Variants in MFN1 observed in about 807,000 individuals in gnomAD.
MFN1 encodes mitofusin-1.
Under a neutral mutation model 92.4 loss-of-function variants are expected in MFN1, and 65 were observed. The observed-to-expected ratio is 0.70, with a 90% confidence interval of 0.58 to 0.86. The LOEUF is 0.86. MFN1 is among the 40% of genes least tolerant of loss of function. MFN1 has a pLI of 0.00. For synonymous variants in MFN1, 297 were observed against 300.9 expected, an observed-to-expected ratio of 0.99 and a Z score of 0.13; for missense variants, 781 against 868.0, an observed-to-expected ratio of 0.90 and a Z score of 1.26.
chr3:179,365,810 G>A (rs974458612), intron 7 of MFN1, among the ~76,000 whole-genome samples: 1 of 152,050 alleles, frequency 6.6e-6, no homozygotes, highest in African/African-American at 2.4e-5. Context: ...TTTATTTAAC[G>A]TGTTTGTCAT....
At chr3:179,353,078 A>G (rs1712213350) in intron 3 of MFN1, among the ~76,000 whole-genome samples, 1 of 113,004 alleles carries the variant, frequency 8.8e-6, no homozygotes, top group Non-Finnish European at 1.8e-5. Context: ...TTTTTGAGAC[A>G]GAGTCTCAGT....
At chr3:179,369,845 A>G (rs1712953380) in intron 9 of MFN1, among the ~76,000 whole-genome samples, 1 of 152,176 alleles carries the variant, frequency 6.6e-6, no homozygotes, top group South Asian at 2.1e-4. Flanking sequence ...TTTTATTCTA[A>G]TGGTCCATTT....
At chr3:179,391,433 T>A (rs1713897052) in intron 17 of MFN1, among the ~76,000 whole-genome samples, 1 of 152,196 alleles carries the variant, frequency 6.6e-6, no homozygotes, top group Non-Finnish European at 1.5e-5. Flanking sequence ...TAGAATTTAA[T>A]GTGCTAACGC....
At chr3:179,350,226 A>G (rs1712092466) in intron 2 of MFN1, among the ~76,000 whole-genome samples, 1 of 151,978 alleles carries the variant, frequency 6.6e-6, no homozygotes. Context: ...TTCCAGCGAC[A>G]GTGGGGAAAC....
At chr3:179,374,368 AAT>A (rs1491280365) in intron 9 of MFN1, among the ~76,000 whole-genome samples, 1 of 134,682 alleles carries the variant, frequency 7.4e-6, no homozygotes, top group African/African-American at 2.9e-5. Flanking sequence ...ATATATATGT[AAT>A]ATATATATAA....
intron 14 of MFN1, among the ~76,000 whole-genome samples, chr3:179,379,924 C>T (rs1269493751): frequency 6.6e-6 from 1 of 151,862 alleles, no homozygotes; most frequent in Non-Finnish European, 1.5e-5. Flanking sequence ...ATGAAAAAAA[C>T]AAAAACACTG....
intron 14 of MFN1, 48 bp from the exon 15 acceptor site, chr3:179,385,521 A>T (rs766607791): frequency 2.6e-6 from 4 of 1,523,558 alleles, no homozygotes; most frequent in Middle Eastern, 2.4e-4. Context: ...AGATAACTTT[A>T]TAGTTGTTTA....
chr3:179,355,792 A>C (rs2108526096), intron 3 of MFN1, among the ~76,000 whole-genome samples: 1 of 152,252 alleles, frequency 6.6e-6, no homozygotes, highest in East Asian at 1.9e-4. Flanking sequence ...TCTCTACCAA[A>C]AATAGAAAAA....
At chr3:179,369,304 T>A (rs1000471936) in intron 9 of MFN1, among the ~76,000 whole-genome samples, 1 of 152,162 alleles carries the variant, frequency 6.6e-6, no homozygotes, top group African/African-American at 2.4e-5. Context: ...CTCGAACTCC[T>A]GGGCTCAAAT....
At chr3:179,385,447 G>A (rs907579372) in intron 14 of MFN1, 122 bp from the exon 15 acceptor site, 54 of 740,902 alleles carry the variant, frequency 7.3e-5, no homozygotes, top group Non-Finnish European at 1.1e-4. Flanking sequence ...TATTTGTGGT[G>A]TACTCATCAT....
At chr3:179,354,496 G>C (rs1712273661) in intron 3 of MFN1, among the ~76,000 whole-genome samples, 1 of 152,138 alleles carries the variant, frequency 6.6e-6, no homozygotes, top group African/African-American at 2.4e-5. Flanking sequence ...GAGAACAGGG[G>C]TAGGAGGCAG....
chr3:179,369,634 G>GATC (rs1712942607), intron 9 of MFN1, among the ~76,000 whole-genome samples: 1 of 152,094 alleles, frequency 6.6e-6, no homozygotes, highest in African/African-American at 2.4e-5. Flanking sequence ...AAGCCTAGCT[G>GATC]ATCATCAGAA....
In MFN1 at chr3:179,386,492, G is replaced by GT. The variant is rs1560201466; in HGVS notation, c.1876dup (p.Tyr626LeufsTer4). ...TTTCATTAACTATGTATGGAGCTTT[G>GT]TATCTTTATGAAAGACTGAGCTGGA... On this transcript the variant is annotated frameshift_variant, in exon 16 of 18. Coordinates refer to ENST00000471841, the MANE Select transcript of MFN1 (RefSeq NM_033540.3). LOFTEE classifies it high-confidence loss of function. 1.9e-5 allele frequency: 31 copies of GT among 1,613,910 alleles called. No individual in the cohort carries two copies. The highest frequency in any genetic ancestry group is 2.6e-5 in the Non-Finnish European group (31 of 1,179,894).
At chr3:179,371,483 T>C (rs1282915577) in intron 9 of MFN1, among the ~76,000 whole-genome samples, 2 of 152,180 alleles carry the variant, frequency 1.3e-5, no homozygotes, top group Non-Finnish European at 2.9e-5. Context: ...TGCTCCAACC[T>C]GTGTGACAGA....
intron 1 of MFN1, 180 bp from the exon 2 acceptor site, chr3:179,348,665 A>T: frequency 1.2e-6 from 1 of 841,842 alleles, no homozygotes. Flanking sequence ...TTAGTGAAAT[A>T]TCATTCAAAA....
chr3:179,371,288 C>G (rs1713014237), intron 9 of MFN1, among the ~76,000 whole-genome samples: 1 of 152,006 alleles, frequency 6.6e-6, no homozygotes, highest in Non-Finnish European at 1.5e-5. Flanking sequence ...AGGAAGATCT[C>G]TTGAGCTTAG....
chr3:179,360,154 G>A (rs972751918), intron 4 of MFN1, among the ~76,000 whole-genome samples: 4 of 152,214 alleles, frequency 2.6e-5, no homozygotes, highest in African/African-American at 7.2e-5. Flanking sequence ...GACCTCAGGT[G>A]ATCCACCTGC....
rs371803267 is a variant in MFN1, at chr3:179,362,377, A to C, written c.431A>C (p.His144Pro). The C allele has an allele frequency of 3.1e-6, 5 of 1,611,814 alleles. No homozygotes were observed. In the African/African-American group the frequency reaches 6.7e-5, roughly 22 times the overall value. ...KSVKTVNQLA[H>P]ALHMDKDLKA... ...CTTTAGACAGTTAATCAACTGGCCCATGCCCTTCACATGGACAAAGATTTG... is the reference window on the plus strand; with the variant it reads ...CTTTAGACAGTTAATCAACTGGCCCCTGCCCTTCACATGGACAAAGATTTG... Residue 144 changes from histidine to proline, a missense_variant, in exon 5 of 18, where the codon CAT becomes CCT. By Grantham distance (77) the His-to-Pro change is moderately conservative (BLOSUM62 -2). Coordinates refer to ENST00000471841, the MANE Select transcript of MFN1 (RefSeq NM_033540.3).
chr3:179,353,485 G>A (rs947771188), intron 3 of MFN1, among the ~76,000 whole-genome samples: 1 of 152,206 alleles, frequency 6.6e-6, no homozygotes, highest in Non-Finnish European at 1.5e-5. Flanking sequence ...TGGGATTACA[G>A]GCGTGAGCCA....
Sources: gnomAD v4.1 joint callset for allele counts (sites outside exome capture counted in the v4.1 genomes callset) on GRCh38, gnomAD v4.1.1 for gene constraint, MANE v1.5 for transcripts, NCBI Gene and HGNC (gene_info 2026-07-23, HGNC 2026-07-21) for gene names.